TMEM117: variants seen among roughly 807,000 people sequenced by gnomAD.
TMEM117 encodes transmembrane protein 117.
Under a neutral mutation model 52.4 loss-of-function variants are expected in TMEM117, and 27 were observed. The ratio of observed to expected loss-of-function variants is 0.51; its 90% CI spans 0.38 to 0.71. The LOEUF (loss-of-function observed/expected upper bound fraction) is 0.71, where lower values mean the gene tolerates loss of function less well. Among genes scored for constraint, TMEM117 ranks in the 30% least tolerant of loss-of-function variants. TMEM117 has a pLI of 0.00. For synonymous variants in TMEM117, 215 were observed against 206.3 expected (o/e 1.04, Z -0.36); for missense variants, 556 against 630.5 (o/e 0.88, Z 1.26).
chr12:44,301,656 C>A (rs931541664), intron 6 of TMEM117, among the ~76,000 whole-genome samples: 1 of 152,184 alleles, frequency 6.6e-6, no homozygotes, highest in African/African-American at 2.4e-5. Flanking sequence ...CAGGGTGTAA[C>A]AGGGAATCCA....
chr12:44,182,361 A>G (rs142394631), intron 4 of TMEM117, among the ~76,000 whole-genome samples: 3,389 of 152,196 alleles, frequency 0.022, 154 homozygotes, highest in South Asian at 0.099. Context: ...TCTCCTGCCT[A>G]ATTGCCCTGG....
rs533523144 is a variant in TMEM117 at position 43,904,237 on chromosome 12, C to T, written c.278-39973C>T. On this transcript the variant is annotated intron_variant, in intron 2 of 7. Transcript: ENST00000266534. ...TAAAAACAACCTTTTAGGCCAGACA[C>T]GGTGGCTCATGCCTGTAATCCCAGA... 6.9e-4 allele frequency among the ~76,000 whole-genome samples: 105 copies of T among 152,092 alleles called. 2 individuals carry two copies. Among genetic ancestry groups the T allele is most frequent in the Non-Finnish European group, 2.6e-4 (18 of 68,018 alleles).
intron 3 of TMEM117, among the ~76,000 whole-genome samples, chr12:44,052,040 T>C (rs989152154): frequency 1.3e-4 from 20 of 152,216 alleles, no homozygotes; most frequent in African/African-American, 4.8e-4. Context: ...TTAGTTTTCT[T>C]ATCAAATACA....
the TMEM117 span, among the ~76,000 whole-genome samples, chr12:43,820,802 C>T: frequency 6.6e-6 from 1 of 151,938 alleles, no homozygotes; most frequent in South Asian, 2.1e-4. Flanking sequence ...TTCTGTCTTT[C>T]TATAAGAAGC....
intron 2 of TMEM117, among the ~76,000 whole-genome samples, chr12:43,882,369 A>G (rs1271928763): frequency 1.3e-5 from 2 of 151,800 alleles, no homozygotes; most frequent in Non-Finnish European, 2.9e-5. Context: ...CTGAGGCAGG[A>G]AAATCGCTTG....
chr12:44,348,197 A>G (rs1951513570), intron 6 of TMEM117, among the ~76,000 whole-genome samples: 1 of 152,002 alleles, frequency 6.6e-6, no homozygotes, highest in African/African-American at 2.4e-5. Flanking sequence ...GGTTGACTTT[A>G]AAACAGAACA....
chr12:44,285,412 C>T (rs914414662), intron 5 of TMEM117, among the ~76,000 whole-genome samples: 4 of 152,152 alleles, frequency 2.6e-5, no homozygotes, highest in African/African-American at 7.2e-5. Flanking sequence ...ACTGCATCTC[C>T]GTTCTCAAGG....
At chr12:44,114,294 CT>C (rs745489634) in intron 3 of TMEM117, among the ~76,000 whole-genome samples, 26 of 152,270 alleles carry the variant, frequency 1.7e-4, no homozygotes, top group Non-Finnish European at 2.5e-4. Context: ...CTTTTTACTC[CT>C]TTATATCCAT....
At chr12:43,861,740 T>A (rs1370616875) in intron 2 of TMEM117, among the ~76,000 whole-genome samples, 1 of 152,228 alleles carries the variant, frequency 6.6e-6, no homozygotes, top group African/African-American at 2.4e-5. Context: ...GAGATATTTC[T>A]AGTGTGCCTT....
intron 2 of TMEM117, among the ~76,000 whole-genome samples, chr12:43,940,253 C>G (rs75837250): frequency 6.6e-6 from 1 of 152,152 alleles, no homozygotes; most frequent in Admixed American, 6.5e-5. Flanking sequence ...AGAGGTAGGG[C>G]TCCCCACATC....
At chr12:43,916,957 G>A (rs531122090) in intron 2 of TMEM117, among the ~76,000 whole-genome samples, 92 of 152,016 alleles carry the variant, frequency 6.1e-4, no homozygotes, top group African/African-American at 2.1e-3. Context: ...CCATGTTAAG[G>A]TTGCAGCCTC....
intron 2 of TMEM117, among the ~76,000 whole-genome samples, chr12:43,925,898 T>C (rs999353728): frequency 2.0e-5 from 3 of 152,188 alleles, no homozygotes; most frequent in African/African-American, 7.2e-5. Context: ...ATTGAAATGA[T>C]TGGAATTCTT....
intron 6 of TMEM117, among the ~76,000 whole-genome samples, chr12:44,352,445 C>G (rs1951577363): frequency 6.6e-6 from 1 of 152,174 alleles, no homozygotes; most frequent in African/African-American, 2.4e-5. Flanking sequence ...TCCCTCCCCA[C>G]TTTCCCCACC....
At chr12:44,050,555 G>A (rs1346696924) in intron 3 of TMEM117, among the ~76,000 whole-genome samples, 1 of 152,180 alleles carries the variant, frequency 6.6e-6, no homozygotes, top group Non-Finnish European at 1.5e-5. Context: ...TTGATATGGA[G>A]ATGAATCTCT....
intron 5 of TMEM117, among the ~76,000 whole-genome samples, chr12:44,214,312 G>GT (rs144986199): frequency 9.9e-5 from 15 of 151,160 alleles, no homozygotes; most frequent in African/African-American, 2.2e-4. Context: ...CGCCCAGCTA[G>GT]TTTTTTTTGT....
rs74319201 is a variant in TMEM117 at position 43,885,258 on chromosome 12, G to A, written c.277+40330G>A. Among the ~76,000 whole-genome samples, 1,161 of 152,290 alleles carry A rather than the reference G, an allele frequency of 7.6e-3. 13 individuals are homozygous for A. Among genetic ancestry groups the A allele is most frequent in the African/African-American group, 0.025 (1,057 of 41,554 alleles). ...ATTGGTCCTAGTCAGGGCGGGCTGT[G>A]TAAGGACACTGTTTTGAGATCAGCA... On this transcript the variant is annotated intron_variant, in intron 2 of 7. Transcript: ENST00000266534.
chr12:44,163,356 T>C (rs1948922947), intron 4 of TMEM117, among the ~76,000 whole-genome samples: 1 of 152,186 alleles, frequency 6.6e-6, no homozygotes, highest in African/African-American at 2.4e-5. Context: ...CTGTAAAACC[T>C]GTTTTATTTT....
intron 6 of TMEM117, among the ~76,000 whole-genome samples, chr12:44,366,044 A>G (rs895606068): frequency 6.6e-6 from 1 of 152,080 alleles, no homozygotes; most frequent in African/African-American, 2.4e-5. Flanking sequence ...GTTATTTTAT[A>G]TTCTTTGAGA....
chr12:44,239,768 C>A (rs1038644960), intron 5 of TMEM117, among the ~76,000 whole-genome samples: 7 of 151,914 alleles, frequency 4.6e-5, no homozygotes, highest in African/African-American at 1.5e-4. Context: ...TAGTCATATG[C>A]CCACATGCAC....
Sources: allele counts gnomAD v4.1 joint callset (sites outside exome capture counted in the v4.1 genomes callset), GRCh38; gene constraint gnomAD v4.1.1; transcripts MANE v1.5; gene names NCBI Gene and HGNC (gene_info 2026-07-23, HGNC 2026-07-21).